STPG2: variants seen among roughly 807,000 people sequenced by gnomAD.
The protein encoded by STPG2 is sperm-tail PG-rich repeat-containing protein 2.
In STPG2, 56 loss-of-function variants were observed where a neutral mutation model predicts 54.2. That is an observed-to-expected ratio of 1.03 (90% CI 0.83 to 1.29). The LOEUF (loss-of-function observed/expected upper bound fraction) is 1.29. Ranked by LOEUF, STPG2 falls within the 50% of genes most tolerant of loss-of-function variation. The pLI, the probability that STPG2 is intolerant of heterozygous loss-of-function variation, is 0.00. For missense variants in STPG2, 596 were observed against 544.9 expected (o/e 1.09, Z -0.93); for synonymous variants, 200 against 181.8 (o/e 1.10, Z -0.81).
chr4:97,498,602 G>A (rs930652440), intron 4 of STPG2, among the ~76,000 whole-genome samples: 1 of 150,554 alleles, frequency 6.6e-6, no homozygotes, highest in African/African-American at 2.4e-5. Flanking sequence ...CAGCTGGAAA[G>A]GTAAAAAGCA....
chr4:97,891,880 A>C (rs533736194), intron 8 of STPG2, among the ~76,000 whole-genome samples: 1 of 152,208 alleles, frequency 6.6e-6, no homozygotes, highest in African/African-American at 2.4e-5. Context: ...AAATGCTTAA[A>C]CTCCATGAAG....
chr4:97,869,642 C>A (rs563457908), intron 8 of STPG2, among the ~76,000 whole-genome samples: 1 of 151,614 alleles, frequency 6.6e-6, no homozygotes. Flanking sequence ...GTCTACTCAG[C>A]AGCCAAGCTA....
intron 5 of STPG2, among the ~76,000 whole-genome samples, chr4:98,081,955 G>T: frequency 6.6e-6 from 1 of 152,196 alleles, no homozygotes; most frequent in East Asian, 1.9e-4. Flanking sequence ...TTTAAGTGCA[G>T]TAAATACTAA....
At chr4:97,859,938 C>A (rs2149139397) in intron 8 of STPG2, among the ~76,000 whole-genome samples, 1 of 152,350 alleles carries the variant, frequency 6.6e-6, no homozygotes, top group South Asian at 2.1e-4. Flanking sequence ...CACTCTTCTA[C>A]ATATGACTTG....
chr4:97,479,996 A>C (rs1730178777), intron 4 of STPG2, among the ~76,000 whole-genome samples: 1 of 151,834 alleles, frequency 6.6e-6, no homozygotes, highest in South Asian at 2.1e-4. Context: ...TATTTTGCAC[A>C]CTTGTAATAA....
At chr4:97,878,307 A>G (rs149809844) in intron 8 of STPG2, among the ~76,000 whole-genome samples, 296 of 152,254 alleles carry the variant, frequency 1.9e-3, no homozygotes, top group African/African-American at 7.0e-3. Flanking sequence ...CAGTGTCCCA[A>G]TAGGAACTGT....
chr4:97,920,558 T>C (rs1481042038), intron 8 of STPG2, among the ~76,000 whole-genome samples: 3 of 152,108 alleles, frequency 2.0e-5, no homozygotes, highest in Admixed American at 6.5e-5. Flanking sequence ...TTAATAATTT[T>C]ATCTCCTTAT....
intron 8 of STPG2, among the ~76,000 whole-genome samples, chr4:97,869,078 A>C (rs1729889695): frequency 6.6e-6 from 1 of 151,824 alleles, no homozygotes; most frequent in Admixed American, 6.6e-5. Context: ...GAAACAAAGA[A>C]AGTTTGAAGA....
At chr4:97,530,016 GAGCAAGTTTATTAGTTA>G (rs1340616612) in intron 4 of STPG2, among the ~76,000 whole-genome samples, 2 of 151,714 alleles carry the variant, frequency 1.3e-5, no homozygotes, top group African/African-American at 2.4e-5. Context: ...AGATTTGTGA[GAGCAAGTTTATTAGTTA>G]ACTCCTGTGA....
intron 4 of STPG2, among the ~76,000 whole-genome samples, chr4:97,468,851 A>G (rs540485918): frequency 1.3e-5 from 2 of 152,054 alleles, no homozygotes; most frequent in South Asian, 2.1e-4. Context: ...ATACCTAAGA[A>G]AAGCAGTTTT....
intron 7 of STPG2, among the ~76,000 whole-genome samples, chr4:97,969,159 G>T (rs182560844): frequency 2.0e-3 from 297 of 152,256 alleles, no homozygotes; most frequent in African/African-American, 7.0e-3. Flanking sequence ...CTAGTTTCAG[G>T]TCCTGTATCT....
At chr4:97,736,442 T>A (rs1724996344) in intron 9 of STPG2, among the ~76,000 whole-genome samples, 1 of 151,992 alleles carries the variant, frequency 6.6e-6, no homozygotes, top group Admixed American at 6.6e-5. Flanking sequence ...GGTCAGGGAG[T>A]TCCCTTTCCT....
intron 8 of STPG2, among the ~76,000 whole-genome samples, chr4:97,897,481 C>A (rs962812609): frequency 6.6e-6 from 1 of 151,964 alleles, no homozygotes; most frequent in Non-Finnish European, 1.5e-5. Context: ...AAAATCACCA[C>A]CCTGTCTTCC....
At chr4:98,102,073 C>T (rs1216162407) in intron 5 of STPG2, among the ~76,000 whole-genome samples, 1 of 152,110 alleles carries the variant, frequency 6.6e-6, no homozygotes, top group African/African-American at 2.4e-5. Context: ...CTTTTTCTTC[C>T]ACCTGCAACT....
chr4:97,799,510 C>T (rs1727309943), intron 9 of STPG2, among the ~76,000 whole-genome samples: 1 of 152,054 alleles, frequency 6.6e-6, no homozygotes. Flanking sequence ...GAATATTGGC[C>T]CCCACTCTCT....
intron 9 of STPG2, among the ~76,000 whole-genome samples, chr4:97,713,309 C>A (rs1223732632): frequency 6.6e-6 from 1 of 152,144 alleles, no homozygotes; most frequent in African/African-American, 2.4e-5. Flanking sequence ...GGAACAAGGC[C>A]TAATCCTAAA....
chr4:97,971,357 G>A (rs1328090720), intron 7 of STPG2, among the ~76,000 whole-genome samples: 1 of 152,120 alleles, frequency 6.6e-6, no homozygotes, highest in Non-Finnish European at 1.5e-5. Context: ...GCACACATAT[G>A]TTTATTGCAG....
intron 10 of STPG2, among the ~76,000 whole-genome samples, chr4:97,595,284 G>C (rs1382328720): frequency 6.6e-6 from 1 of 152,136 alleles, no homozygotes; most frequent in Non-Finnish European, 1.5e-5. Flanking sequence ...AAAAGGATGA[G>C]TTCATGTCCT....
chr4:98,012,140 A>AGTAC (rs1217899802), intron 5 of STPG2, among the ~76,000 whole-genome samples: 2 of 151,838 alleles, frequency 1.3e-5, no homozygotes, highest in East Asian at 3.9e-4. Flanking sequence ...ATAATGCATA[A>AGTAC]GGGGTCCAGT....
Sources: allele counts gnomAD v4.1 joint callset (sites outside exome capture counted in the v4.1 genomes callset), GRCh38; gene constraint gnomAD v4.1.1; transcripts MANE v1.5; gene names NCBI Gene and HGNC (gene_info 2026-07-23, HGNC 2026-07-21).